The following MTUS2 variants were observed in gnomAD, a reference collection of about 807,000 sequenced individuals.
The protein encoded by MTUS2 is microtubule-associated tumor suppressor candidate 2.
Under a neutral mutation model 114.1 loss-of-function variants are expected in MTUS2, and 40 were observed. That is an observed-to-expected ratio of 0.35 (90% CI 0.27 to 0.46). The LOEUF (loss-of-function observed/expected upper bound fraction) is 0.46. Ranked by LOEUF, MTUS2 falls within the 20% of genes least tolerant of loss-of-function variation. MTUS2 has a pLI of 1.00. For missense variants in MTUS2, 1,679 were observed against 1,705.4 expected, an observed-to-expected ratio of 0.98 and a Z score of 0.27; for synonymous variants, 688 against 672.0, an observed-to-expected ratio of 1.02 and a Z score of -0.37.
chr13:28,825,842 G>A (rs1234705409), intron 1 of MTUS2, among the ~76,000 whole-genome samples: 4 of 152,200 alleles, frequency 2.6e-5, no homozygotes, highest in African/African-American at 9.7e-5. Context: ...TGGGTAGGGA[G>A]CATCACAGCA....
intron 2 of MTUS2, among the ~76,000 whole-genome samples, chr13:28,946,097 C>G (rs1039474910): frequency 1.5e-4 from 23 of 152,126 alleles, no homozygotes; most frequent in African/African-American, 4.8e-4. Context: ...TTTAATATAA[C>G]AATGGTAATC....
chr13:29,307,369 G>T, intron 6 of MTUS2: 1 of 799,002 alleles, frequency 1.3e-6, no homozygotes, highest in Non-Finnish European at 2.2e-6. Flanking sequence ...ACTGTGGTGT[G>T]ATAGCCATGG....
At chr13:29,115,481 G>C (rs770751661) in intron 5 of MTUS2, among the ~76,000 whole-genome samples, 6 of 152,142 alleles carry the variant, frequency 3.9e-5, no homozygotes, top group Non-Finnish European at 5.9e-5. Context: ...ATATTCTGGA[G>C]TAACCAATAA....
chr13:29,281,729 G>A lies in MTUS2; in HGVS notation c.2670G>A (p.Gln890=). The A allele has an allele frequency of 6.2e-7, 1 of 1,610,224 alleles. No homozygotes were observed. Among genetic ancestry groups the A allele is most frequent in the Non-Finnish European group, 8.5e-7 (1 of 1,176,918 alleles). The change falls in exon 6 of 16, where the codon CAG becomes CAA. Residue 890 remains glutamine (Q), a synonymous_variant. Coordinates refer to ENST00000612955, the MANE Select transcript of MTUS2 (RefSeq NM_001033602.4). The stretch of plus-strand genomic sequence containing the variant: ...GTTCAACCTTTGGGAATGAAGAACA[G>A]CCAGTTCTGAAGGCATCTCTGCCTT... ...ATRSTFGNEE[Q]PVLKASLPSK...
At chr13:29,046,772 G>A (rs1231663054) in intron 4 of MTUS2, among the ~76,000 whole-genome samples, 1 of 151,778 alleles carries the variant, frequency 6.6e-6, no homozygotes, top group East Asian at 1.9e-4. Context: ...TAGATGCCTA[G>A]GCACGCCGCA....
chr13:29,273,172 C>A (rs567786933), intron 5 of MTUS2, among the ~76,000 whole-genome samples: 2 of 152,320 alleles, frequency 1.3e-5, no homozygotes, highest in East Asian at 1.9e-4. Context: ...AGGACCAGAG[C>A]AGCTCAGACT....
chr13:29,147,191 ATATGAATGAGG>A (rs984532954), intron 5 of MTUS2, among the ~76,000 whole-genome samples: 39 of 152,272 alleles, frequency 2.6e-4, no homozygotes, highest in African/African-American at 9.1e-4. Context: ...CAAGGCTATG[ATATGAATGAGG>A]TTAAATTCAT....
chr13:29,057,843 TGTTA>T (rs1458445511), intron 4 of MTUS2, among the ~76,000 whole-genome samples: 1 of 152,108 alleles, frequency 6.6e-6, no homozygotes, highest in African/African-American at 2.4e-5. Flanking sequence ...GTATTTGTGG[TGTTA>T]GTTGATTATT....
chr13:29,349,397 T>C (rs1237401797), intron 7 of MTUS2, among the ~76,000 whole-genome samples: 1 of 152,172 alleles, frequency 6.6e-6, no homozygotes, highest in South Asian at 2.1e-4. Flanking sequence ...TTGTTATTAT[T>C]ATTGATTATC....
intron 7 of MTUS2, among the ~76,000 whole-genome samples, chr13:29,339,334 C>G (rs898487097): frequency 6.6e-6 from 1 of 152,184 alleles, no homozygotes; most frequent in African/African-American, 2.4e-5. Context: ...AGGCGGGGAC[C>G]TCTCCATGTC....
At chr13:29,018,437 TATG>T (rs1273525193) in intron 2 of MTUS2, among the ~76,000 whole-genome samples, 1 of 152,198 alleles carries the variant, frequency 6.6e-6, no homozygotes, top group Non-Finnish European at 1.5e-5. Context: ...AGAAATTCTA[TATG>T]AGTGTGTAGA....
At chr13:29,365,457 C>CT (rs1870623824) in intron 8 of MTUS2, among the ~76,000 whole-genome samples, 1 of 149,692 alleles carries the variant, frequency 6.7e-6, no homozygotes, top group Non-Finnish European at 1.5e-5. Context: ...CTAATTGCCC[C>CT]ATTCAGCTCA....
intron 9 of MTUS2, among the ~76,000 whole-genome samples, chr13:29,447,913 C>T (rs1878404253): frequency 6.6e-6 from 1 of 152,054 alleles, no homozygotes; most frequent in Admixed American, 6.5e-5. Context: ...TGATGGAACA[C>T]CACACTCCAA....
intron 4 of MTUS2, among the ~76,000 whole-genome samples, chr13:29,062,975 CTTTGAG>C (rs1888492020): frequency 6.6e-6 from 1 of 152,164 alleles, no homozygotes; most frequent in African/African-American, 2.4e-5. Flanking sequence ...ATGCTTAAAA[CTTTGAG>C]TTTGGACTGT....
At chr13:28,994,282 T>G (rs901006057) in intron 2 of MTUS2, among the ~76,000 whole-genome samples, 1 of 152,234 alleles carries the variant, frequency 6.6e-6, no homozygotes. Context: ...GTGCCACATT[T>G]TCTTAATCCA....
chr13:29,273,201 A>C (rs1463691580), intron 5 of MTUS2, among the ~76,000 whole-genome samples: 2 of 152,216 alleles, frequency 1.3e-5, no homozygotes, highest in Non-Finnish European at 2.9e-5. Context: ...ATTCTGCAGG[A>C]GTATAAGAAA....
intron 6 of MTUS2, among the ~76,000 whole-genome samples, chr13:29,306,098 TA>T (rs1899440139): frequency 6.6e-6 from 1 of 152,210 alleles, no homozygotes; most frequent in Non-Finnish European, 1.5e-5. Flanking sequence ...TCCTTCATGT[TA>T]AAAACTCTCG....
chr13:29,331,791 G>C (rs907931548), intron 7 of MTUS2, among the ~76,000 whole-genome samples: 14 of 151,804 alleles, frequency 9.2e-5, no homozygotes, highest in African/African-American at 2.7e-4. Flanking sequence ...TTTATCAAAG[G>C]TCTTTTCTGC....
chr13:29,052,459 CAAAAAA>C (rs11325314), intron 4 of MTUS2, among the ~76,000 whole-genome samples: 1 of 94,860 alleles, frequency 1.1e-5, no homozygotes, highest in Non-Finnish European at 2.1e-5. Flanking sequence ...CTAGCCTGAG[CAAAAAA>C]AAAAAAAAAA....
Sources: gnomAD v4.1 joint callset for allele counts (sites outside exome capture counted in the v4.1 genomes callset) on GRCh38, gnomAD v4.1.1 for gene constraint, MANE v1.5 for transcripts, NCBI Gene and HGNC (gene_info 2026-07-23, HGNC 2026-07-21) for gene names.